Variants in CMSS1 observed in about 807,000 individuals in gnomAD.
The protein encoded by CMSS1 is cms1 ribosomal small subunit homolog.
CMSS1 carries 33 observed loss-of-function variants against 43.5 expected under a neutral mutation model. The ratio of observed to expected loss-of-function variants is 0.76; its 90% CI spans 0.57 to 1.01. The LOEUF is 1.01. Ranked by LOEUF, CMSS1 falls within the 50% of genes least tolerant of loss-of-function variation. The probability of loss-of-function intolerance (pLI) is 0.00; values close to 1 mark genes in which losing one functional copy is unlikely to be tolerated. For missense variants in CMSS1, 313 were observed against 326.4 expected (o/e 0.96, Z 0.32); for synonymous variants, 115 against 117.2 (o/e 0.98, Z 0.12).
intron 4 of CMSS1, among the ~76,000 whole-genome samples, chr3:100,163,288 A>G (rs1483454373): frequency 1.3e-5 from 2 of 152,152 alleles, no homozygotes; most frequent in African/African-American, 4.8e-5. Flanking sequence ...TTAATAAGCA[A>G]TTTAGTTTTG....
intron 1 of CMSS1, among the ~76,000 whole-genome samples, chr3:99,872,076 C>G (rs1944817633): frequency 6.6e-6 from 1 of 152,028 alleles, no homozygotes; most frequent in African/African-American, 2.4e-5. Context: ...CTTCCTAGCA[C>G]TAATTAAGGA....
chr3:99,996,790 C>T (rs542760086), intron 1 of CMSS1, among the ~76,000 whole-genome samples: 49 of 151,668 alleles, frequency 3.2e-4, no homozygotes, highest in Middle Eastern at 3.4e-3. Context: ...TGGGGAAAAC[C>T]GGCCCCATGA....
intron 2 of CMSS1, among the ~76,000 whole-genome samples, chr3:100,158,379 A>G (rs929566558): frequency 3.3e-5 from 5 of 152,216 alleles, no homozygotes; most frequent in African/African-American, 1.2e-4. Context: ...CAGTGTTGGA[A>G]TTGGTTTCCA....
chr3:100,053,286 A>G (rs2065404945), intron 1 of CMSS1, among the ~76,000 whole-genome samples: 1 of 152,208 alleles, frequency 6.6e-6, no homozygotes, highest in African/African-American at 2.4e-5. Flanking sequence ...ACAGTTCTAG[A>G]GGCTAGAAGT....
chr3:99,867,363 C>T (rs1255883661), intron 1 of CMSS1, among the ~76,000 whole-genome samples: 1 of 152,088 alleles, frequency 6.6e-6, no homozygotes, highest in Non-Finnish European at 1.5e-5. Flanking sequence ...CCATATCTTA[C>T]CTTGTGATTT....
chr3:99,848,339 T>C (rs1225340787), intron 1 of CMSS1: 2 of 1,614,080 alleles, frequency 1.2e-6, no homozygotes, highest in Non-Finnish European at 1.7e-6. Context: ...GTTGGTGTGA[T>C]AGTAATACTG....
intron 1 of CMSS1, among the ~76,000 whole-genome samples, chr3:100,145,803 G>T (rs2066844827): frequency 6.6e-6 from 1 of 152,178 alleles, no homozygotes; most frequent in East Asian, 1.9e-4. Context: ...ATTGGATGAG[G>T]CCCACTCACA....
chr3:99,998,233 G>A (rs913357329), intron 1 of CMSS1, among the ~76,000 whole-genome samples: 5 of 152,158 alleles, frequency 3.3e-5, no homozygotes, highest in African/African-American at 4.8e-5. Flanking sequence ...CTATAAATTA[G>A]TAGCTATTTG....
intron 2 of CMSS1, among the ~76,000 whole-genome samples, chr3:100,154,273 T>C (rs1218484372): frequency 1.3e-5 from 2 of 152,260 alleles, no homozygotes; most frequent in Non-Finnish European, 2.9e-5. Context: ...ATAATAATTC[T>C]ACGTATTTAT....
At chr3:99,820,202 T>G (rs1942408331) in intron 1 of CMSS1, among the ~76,000 whole-genome samples, 2 of 148,596 alleles carry the variant, frequency 1.3e-5, no homozygotes, top group Admixed American at 1.3e-4. Context: ...GACTAACCCT[T>G]TTTTTTTTTT....
At chr3:99,828,614 CTT>C (rs34266466) in intron 1 of CMSS1, among the ~76,000 whole-genome samples, 12 of 132,994 alleles carry the variant, frequency 9.0e-5, no homozygotes, top group Admixed American at 1.5e-4. Flanking sequence ...CCACACCTGG[CTT>C]TTTTTTTTTT....
At chr3:100,085,097 T>C (rs2065987140) in intron 1 of CMSS1, among the ~76,000 whole-genome samples, 1 of 152,202 alleles carries the variant, frequency 6.6e-6, no homozygotes, top group Admixed American at 6.5e-5. Context: ...AAGTGGTGGT[T>C]TCCAGCCCAG....
chr3:99,839,683 A>G (rs1280614829), intron 1 of CMSS1, among the ~76,000 whole-genome samples: 1 of 152,230 alleles, frequency 6.6e-6, no homozygotes, highest in Non-Finnish European at 1.5e-5. Context: ...TCTTTGAAAG[A>G]GACAGAAGTA....
chr3:100,026,219 C>T (rs2107245478), intron 1 of CMSS1, among the ~76,000 whole-genome samples: 1 of 152,148 alleles, frequency 6.6e-6, no homozygotes, highest in East Asian at 1.9e-4. Flanking sequence ...TTTTAAAATA[C>T]TTTGTCAAAA....
At position 99,938,050 on chromosome 3, in the gene CMSS1, AGTGTGT is replaced by A. The variant is rs71625545; in HGVS notation, c.64+120027_64+120032del. 4.7e-5 allele frequency among the ~76,000 whole-genome samples: 7 copies of A among 149,002 alleles called. No individual in the cohort carries two copies. In the East Asian group the frequency reaches 6.0e-4, roughly 13 times the overall value. ...ACTGGTGCCTGCAAAAGGCTCAGGA[AGTGTGT>A]GTGTGTGTGTGTGTGTGTGCGCGCG... On this transcript the variant is annotated intron_variant, in intron 1 of 9. Coordinates refer to ENST00000421999, the MANE Select transcript of CMSS1 (RefSeq NM_032359.4).
intron 1 of CMSS1, among the ~76,000 whole-genome samples, chr3:99,991,944 A>G (rs891821328): frequency 1.3e-5 from 2 of 148,596 alleles, no homozygotes; most frequent in East Asian, 3.9e-4. Context: ...GTATGTGTAT[A>G]TATGTGTATA....
intron 1 of CMSS1, among the ~76,000 whole-genome samples, chr3:99,930,437 G>A (rs565029019): frequency 6.6e-6 from 1 of 152,244 alleles, no homozygotes; most frequent in Non-Finnish European, 1.5e-5. Context: ...GGGTACAAAA[G>A]CACCTATTGT....
chr3:100,065,384 A>T (rs2065646482), intron 1 of CMSS1, among the ~76,000 whole-genome samples: 1 of 152,204 alleles, frequency 6.6e-6, no homozygotes, highest in African/African-American at 2.4e-5. Context: ...AAGGAAGTGG[A>T]GAGTCAGAGG....
At chr3:99,938,416 A>G (rs1350057336) in intron 1 of CMSS1, among the ~76,000 whole-genome samples, 1 of 152,254 alleles carries the variant, frequency 6.6e-6, no homozygotes, top group African/African-American at 2.4e-5. Flanking sequence ...AGAAGACTGC[A>G]TAACACGGAG....
Sources: gnomAD v4.1 joint callset for allele counts (sites outside exome capture counted in the v4.1 genomes callset) on GRCh38, gnomAD v4.1.1 for gene constraint, MANE v1.5 for transcripts, NCBI Gene and HGNC (gene_info 2026-07-23, HGNC 2026-07-21) for gene names.